The following EIF4G1 variants were observed in gnomAD, a reference collection of about 807,000 sequenced individuals.
EIF4G1 encodes eukaryotic translation initiation factor 4 gamma 1.
EIF4G1 carries 4 observed loss-of-function variants against 187.8 expected under a neutral mutation model. That is an observed-to-expected ratio of 0.02 (90% CI 0.01 to 0.05). EIF4G1 has a LOEUF of 0.05. EIF4G1 is among the 10% of genes least tolerant of loss of function. EIF4G1 has a pLI of 1.00. For synonymous variants in EIF4G1, 844 were observed against 781.4 expected, an observed-to-expected ratio of 1.08 and a Z score of -1.34; for missense variants, 1,647 against 2,081.1, an observed-to-expected ratio of 0.79 and a Z score of 4.06.
rs200220147 is a variant in EIF4G1, at chr3:184,322,153, C to G, written c.1519+50C>G. The stretch of plus-strand genomic sequence containing the variant: ...GTAGGGCGGGCTAGGGGATATCGTT[C>G]CTTGCCCTCCTTGATGACCGCCCAT... On this transcript the variant is annotated intron_variant, in intron 10 of 32. Transcript: ENST00000346169. 1.3e-5 allele frequency: 21 copies of G among 1,612,710 alleles called. No homozygotes were observed. The South Asian group carries it at 1.6e-4, about 13-fold the overall frequency.
chr3:184,325,840 T>A lies in EIF4G1; in HGVS notation c.3122-11T>A. 3 of 1,614,068 alleles carry A rather than the reference T, an allele frequency of 1.9e-6. No homozygotes were observed. The highest frequency in any genetic ancestry group is 2.5e-6 in the Non-Finnish European group (3 of 1,179,994). On this transcript the variant is annotated splice_polypyrimidine_tract_variant and intron_variant, in intron 20 of 32. Transcript: ENST00000346169. This position sits in a 1 kb window ranked among gnomAD's most constrained non-coding sequence, Gnocchi z 5.2. ...ATTCATTATTCCAGTATGCCCCTCT[T>A]TTTGTGTCAGGCCGTGGACTTCCCC...
rs754359518 is a variant in EIF4G1, at chr3:184,325,574, A to G, written c.3056A>G (p.Lys1019Arg). The change falls in exon 20 of 33, where the codon AAA becomes AGA. Residue 1019 changes from lysine (K) to arginine (R), a missense_variant. Around this residue, in one of 11 missense-constraint regions of EIF4G1, gnomAD observed 142 missense variants for 296.6 expected, o/e 0.48. Transcript: ENST00000346169. This position sits in a 1 kb window ranked among gnomAD's most constrained non-coding sequence, Gnocchi z 5.2. Reference sequence around the variant, plus strand: ...ATGGAAGAACATCGAGAGCACATCAAAGTGCAGCAGCTCATGGCCAAGGGC... The same window carrying G: ...ATGGAAGAACATCGAGAGCACATCAGAGTGCAGCAGCTCATGGCCAAGGGC... ...AEMEEHREHI[K>R]VQQLMAKGSD... 4 of 1,614,200 alleles carry G rather than the reference A, an allele frequency of 2.5e-6. No homozygotes were observed. Among genetic ancestry groups the G allele is most frequent in the East Asian group, 2.2e-5 (1 of 44,866 alleles).
In EIF4G1 at chr3:184,326,638, G is replaced by A. The variant is rs1332569696; in HGVS notation, c.3325+9G>A. 6.2e-7 allele frequency: 1 copy of A among 1,607,874 alleles called. No individual in the cohort carries two copies. The highest frequency in any genetic ancestry group is 8.5e-7 in the Non-Finnish European group (1 of 1,179,980). ...CAAGCCCTCAGACGCAGGTATGGAG[G>A]CAGTGTCAGGAGCTGGGTGGTTACC... On this transcript the variant is annotated intron_variant, in intron 22 of 32. Coordinates refer to ENST00000346169, the MANE Select transcript of EIF4G1 (RefSeq NM_198241.3).
chr3:184,321,115 G>C, intron 9 of EIF4G1, 122 bp downstream of exon 9: 1 of 1,494,128 alleles, frequency 6.7e-7, no homozygotes, highest in Non-Finnish European at 9.1e-7. Context: ...CAGGTTGTGG[G>C]ATTTTGAGGG....
At chr3:184,320,493 A>G in intron 7 of EIF4G1, 137 bp from the exon 8 acceptor site, 2 of 1,550,668 alleles carry the variant, frequency 1.3e-6, no homozygotes, top group Non-Finnish European at 1.7e-6. Flanking sequence ...TGAAAGTGGA[A>G]CTCAAGGGGT....
Position 184,325,838 on chromosome 3 carries a change from C to G in EIF4G1, c.3122-13C>G. 13 of 1,614,090 alleles carry G rather than the reference C, an allele frequency of 8.1e-6. No individual in the cohort carries two copies. The highest frequency in any genetic ancestry group is 1.1e-5 in the Non-Finnish European group (13 of 1,180,016). ...TTATTCATTATTCCAGTATGCCCCT[C>G]TTTTTGTGTCAGGCCGTGGACTTCC... On this transcript the variant is annotated splice_polypyrimidine_tract_variant and intron_variant, in intron 20 of 32. Coordinates refer to ENST00000346169, the MANE Select transcript of EIF4G1 (RefSeq NM_198241.3). The surrounding 1 kb of genome is among the most constrained non-coding windows in gnomAD (Gnocchi z 5.2).
rs116508885 is a variant in EIF4G1, at chr3:184,321,497, C to T, written c.913C>T (p.Arg305Cys). 238 of 1,614,194 alleles carry T rather than the reference C, an allele frequency of 1.5e-4. No individual in the cohort carries two copies. The African/African-American group carries it at 2.4e-3, about 16-fold the overall frequency. Residue 305 changes from arginine (R) to cysteine (C), a missense_variant, in exon 10 of 33, where the codon CGT (arginine) becomes TGT (cysteine). Physicochemically the swap from Arg to Cys is radical, Grantham distance 180. Coordinates refer to ENST00000346169, the MANE Select transcript of EIF4G1 (RefSeq NM_198241.3). ...TGTAGAAGAATCAACCCCCATCTCCCGTGAAACTGGGGAGCCATATCGCCT... is the reference window on the plus strand; with the variant it reads ...TGTAGAAGAATCAACCCCCATCTCCTGTGAAACTGGGGAGCCATATCGCCT... ...MSVEESTPIS[R>C]ETGEPYRLSP...
rs1300189669 is a variant in EIF4G1, at chr3:184,321,698, C to G, written c.1114C>G (p.Pro372Ala). 6.3e-7 allele frequency: 1 copy of G among 1,592,766 alleles called. No homozygotes were observed. The highest frequency in any genetic ancestry group is 8.6e-7 in the Non-Finnish European group (1 of 1,167,518). ...CATGGTCCCATCTGAAGATCTGGAA[C>G]CAGAGGTGGAGTCAAGCCCAGAGCT... ...NGMVPSEDLE[P>A]EVESSPELAP... The change falls in exon 10 of 33, where the codon CCA becomes GCA. Residue 372 changes from proline (P) to alanine (A), a missense_variant. Physicochemically the swap from Pro to Ala is conservative, Grantham distance 27. Transcript: ENST00000346169.
At position 184,322,121 on chromosome 3, in the gene EIF4G1, G is replaced by T. The variant is rs531497033; in HGVS notation, c.1519+18G>T. 4 of 1,614,116 alleles carry T rather than the reference G, an allele frequency of 2.5e-6. No homozygotes were observed. Among genetic ancestry groups the T allele is most frequent in the East Asian group, 4.5e-5 (2 of 44,888 alleles). Reference sequence around the variant, plus strand: ...CACTCAAGGTAAGGTGTGGTTGGACGGTAGAGGTAGGGCGGGCTAGGGGAT... The same window carrying T: ...CACTCAAGGTAAGGTGTGGTTGGACTGTAGAGGTAGGGCGGGCTAGGGGAT... On this transcript the variant is annotated intron_variant, in intron 10 of 32. Transcript: ENST00000346169.
chr3:184,315,178 C>T, intron 1 of EIF4G1: 1 of 353,812 alleles, frequency 2.8e-6, no homozygotes, highest in African/African-American at 2.1e-5. Context: ...TTGCCTGAAA[C>T]CGGCTCCTCG....
chr3:184,328,878 C>T (rs1725488532), intron 27 of EIF4G1, 31 bp from the exon 28 acceptor site: 1 of 1,613,920 alleles, frequency 6.2e-7, no homozygotes, highest in Non-Finnish European at 8.5e-7. Flanking sequence ...ACTGTGGAGG[C>T]TGTCAGCATT....
At chr3:184,316,436 C>T (rs1378829115) in intron 4 of EIF4G1, among the ~76,000 whole-genome samples, 1 of 152,160 alleles carries the variant, frequency 6.6e-6, no homozygotes, top group Non-Finnish European at 1.5e-5. Context: ...GATCCTAGTG[C>T]CTCTGAGAAT....
At chr3:184,328,568 G>C in intron 26 of EIF4G1, 63 bp from the exon 27 acceptor site, 2 of 1,612,606 alleles carry the variant, frequency 1.2e-6, no homozygotes, top group Non-Finnish European at 1.7e-6. Flanking sequence ...GCCATGCCAC[G>C]TTGCCCCAGA....
intron 28 of EIF4G1, among the ~76,000 whole-genome samples, chr3:184,330,982 C>T (rs1197586177): frequency 1.3e-5 from 2 of 152,136 alleles, no homozygotes; most frequent in African/African-American, 2.4e-5. Context: ...TCAGGTGATC[C>T]GCCCACCTCG....
At chr3:184,332,150 C>A (rs528420387) in intron 32 of EIF4G1, 64 bp downstream of exon 32, 20 of 1,610,384 alleles carry the variant, frequency 1.2e-5, no homozygotes, top group Non-Finnish European at 1.5e-5. Flanking sequence ...GGGCATGAGA[C>A]CCTTCATGGA....
intron 16 of EIF4G1, 69 bp downstream of exon 16, chr3:184,324,046 C>A: frequency 6.2e-7 from 1 of 1,607,806 alleles, no homozygotes; most frequent in Non-Finnish European, 8.5e-7. Flanking sequence ...CTCCTTGAGT[C>A]CAGCTTCTTG....
At chr3:184,319,840 G>A in intron 7 of EIF4G1, 39 bp downstream of exon 7, 1 of 1,383,390 alleles carries the variant, frequency 7.2e-7, no homozygotes, top group Non-Finnish European at 1.0e-6. Flanking sequence ...TCTGGGAAGG[G>A]GAGAATCAAG....
At position 184,327,609 on chromosome 3, in the gene EIF4G1, C is replaced by A. The variant is rs35629949; in HGVS notation, c.3685C>A (p.Pro1229Thr). The A allele has an allele frequency of 1.4e-5, 23 of 1,614,172 alleles. No homozygotes were observed. The highest frequency in any genetic ancestry group is 1.9e-5 in the Non-Finnish European group (23 of 1,180,004). ...AGTGAAGCGAGAAGCTGCCCTACCC[C>A]CAGTGAGCCCCCTGAAGGCGGCTCT... ...DAVKREAALPPVSPLKAALSE... is the reference protein window; with the variant it reads ...DAVKREAALPTVSPLKAALSE... Residue 1229 changes from proline to threonine, a missense_variant, in exon 25 of 33, where the codon CCA (proline) becomes ACA (threonine). Around this residue, in one of 11 missense-constraint regions of EIF4G1, gnomAD observed 543 missense variants for 638.0 expected, o/e 0.85. Coordinates refer to ENST00000346169, the MANE Select transcript of EIF4G1 (RefSeq NM_198241.3).
In EIF4G1 at chr3:184,323,140, G is replaced by A. The variant is rs1220002268; in HGVS notation, c.1987G>A (p.Gly663Ser). ...CACTAGACTACAAGGCATAAATTGT[G>A]GCCCAGACTTCACTCCATCCTTTGC... ...DPTRLQGINC[G>S]PDFTPSFANL... The change falls in exon 14 of 33, where the codon GGC becomes AGC. Residue 663 changes from glycine (G) to serine (S), a missense_variant. Physicochemically the swap from Gly to Ser is moderately conservative, Grantham distance 56. Coordinates refer to ENST00000346169, the MANE Select transcript of EIF4G1 (RefSeq NM_198241.3). The surrounding 1 kb of genome is among the most constrained non-coding windows in gnomAD (Gnocchi z 6.9). 1 of 1,614,092 alleles carries A rather than the reference G, an allele frequency of 6.2e-7. No individual in the cohort carries two copies. Among genetic ancestry groups the A allele is most frequent in the African/African-American group, 1.3e-5 (1 of 74,926 alleles).
Sources: gnomAD v4.1 joint callset for allele counts (sites outside exome capture counted in the v4.1 genomes callset) on GRCh38, gnomAD v4.1.1 for gene constraint, gnomAD v4.1.1 regional missense constraint, Gnocchi (gnomAD v3.1) non-coding constraint, MANE v1.5 for transcripts, NCBI Gene and HGNC (gene_info 2026-07-23, HGNC 2026-07-21) for gene names.